The following NAA11 variants were observed in gnomAD, a reference collection of about 807,000 sequenced individuals.
NAA11 encodes the protein N-alpha-acetyltransferase 11, NatA catalytic subunit, also known as N-alpha-acetyltransferase 11.
Under a neutral mutation model 16.1 loss-of-function variants are expected in NAA11, and 15 were observed. The observed-to-expected ratio is 0.93, with a 90% confidence interval of 0.62 to 1.44. NAA11 has a LOEUF of 1.44. Among genes scored for constraint, NAA11 ranks in the 40% most tolerant of loss-of-function variants. NAA11 has a pLI of 0.00. For synonymous variants in NAA11, 122 were observed against 112.4 expected, an observed-to-expected ratio of 1.09 and a Z score of -0.54; for missense variants, 298 against 291.3, an observed-to-expected ratio of 1.02 and a Z score of -0.17.
chr4:79,247,604 A>G (rs1721868844), intron 2 of NAA11, among the ~76,000 whole-genome samples: 1 of 152,112 alleles, frequency 6.6e-6, no homozygotes, highest in Non-Finnish European at 1.5e-5. Flanking sequence ...AAGTGACCAG[A>G]ACATCAGTAA....
At chr4:79,178,448 A>G in the NAA11 span, among the ~76,000 whole-genome samples, 1 of 152,230 alleles carries the variant, frequency 6.6e-6, no homozygotes, top group Non-Finnish European at 1.5e-5. Context: ...GTCCTAGAGA[A>G]TAGTTCAGAT....
intron 2 of NAA11, among the ~76,000 whole-genome samples, chr4:79,274,204 T>A (rs1405332130): frequency 6.6e-6 from 1 of 152,108 alleles, no homozygotes; most frequent in Non-Finnish European, 1.5e-5. Context: ...CTATGAGTAA[T>A]GCCTCCTATC....
the NAA11 span, among the ~76,000 whole-genome samples, chr4:79,182,407 A>G: frequency 2.0e-5 from 3 of 152,308 alleles, no homozygotes; most frequent in East Asian, 3.9e-4. Context: ...AGCAATGACT[A>G]AGTTCGTTAC....
At chr4:79,158,698 G>GATATATATATAT in the NAA11 span, among the ~76,000 whole-genome samples, 1,094 of 112,012 alleles carry the variant, frequency 9.8e-3, 31 homozygotes, top group African/African-American at 0.026. Context: ...CACATTACCT[G>GATATATATATAT]ATATATATAT....
chr4:79,164,438 G>A, the NAA11 span, among the ~76,000 whole-genome samples: 6 of 152,030 alleles, frequency 3.9e-5, no homozygotes, highest in Non-Finnish European at 7.4e-5. Context: ...CATTGAGGAC[G>A]GTGTCTTTCT....
At chr4:79,166,755 G>T in the NAA11 span, among the ~76,000 whole-genome samples, 1 of 149,536 alleles carries the variant, frequency 6.7e-6, no homozygotes, top group African/African-American at 2.5e-5. Flanking sequence ...TGTAGTCCCA[G>T]CTACTTGGGA....
At chr4:79,309,104 T>C (rs1177267279) in intron 1 of NAA11, among the ~76,000 whole-genome samples, 2 of 143,958 alleles carry the variant, frequency 1.4e-5, no homozygotes, top group Non-Finnish European at 3.0e-5. Flanking sequence ...TTCATACCTA[T>C]AGTTAATTAC....
the NAA11 span, among the ~76,000 whole-genome samples, chr4:79,172,906 T>C: frequency 9.3e-3 from 1,423 of 152,248 alleles, 37 homozygotes; most frequent in Admixed American, 0.052. Flanking sequence ...CAGCTAAGAC[T>C]GCAGAGGCAC....
At chr4:79,276,290 G>T (rs1020743715) in intron 2 of NAA11, among the ~76,000 whole-genome samples, 7 of 152,128 alleles carry the variant, frequency 4.6e-5, no homozygotes, top group Non-Finnish European at 1.0e-4. Flanking sequence ...AATGGAGACT[G>T]ATAAGTCCTC....
At chr4:79,296,580 TCTTCA>T (rs1457169000) in intron 1 of NAA11, among the ~76,000 whole-genome samples, 2 of 152,218 alleles carry the variant, frequency 1.3e-5, no homozygotes, top group African/African-American at 4.8e-5. Flanking sequence ...CAGCATTCAA[TCTTCA>T]ATTGATACTC....
chr4:79,304,335 G>T (rs1723499743), intron 1 of NAA11, among the ~76,000 whole-genome samples: 1 of 152,148 alleles, frequency 6.6e-6, no homozygotes, highest in African/African-American at 2.4e-5. Flanking sequence ...ATGTAAAACA[G>T]CACAACATTG....
At chr4:79,181,519 G>A in the NAA11 span, among the ~76,000 whole-genome samples, 1 of 152,160 alleles carries the variant, frequency 6.6e-6, no homozygotes, top group Non-Finnish European at 1.5e-5. Flanking sequence ...ACACGCGGTG[G>A]CCATGATTGA....
chr4:79,258,331 G>A (rs1722165568), intron 2 of NAA11, among the ~76,000 whole-genome samples: 1 of 152,280 alleles, frequency 6.6e-6, no homozygotes, highest in Non-Finnish European at 1.5e-5. Flanking sequence ...AAGCATCGTT[G>A]CACTTTGCGG....
intron 2 of NAA11, among the ~76,000 whole-genome samples, chr4:79,268,528 C>A (rs1413712123): frequency 6.6e-6 from 1 of 152,036 alleles, no homozygotes; most frequent in Admixed American, 6.6e-5. Flanking sequence ...GTCTGTGTTT[C>A]ATTGCAACAC....
the NAA11 span, among the ~76,000 whole-genome samples, chr4:79,206,902 G>T: frequency 3.3e-5 from 5 of 152,038 alleles, no homozygotes; most frequent in Admixed American, 6.6e-5. Flanking sequence ...TTTCTTTACA[G>T]CATCAAAGAA....
At chr4:79,254,357 G>T (rs56205707) in intron 2 of NAA11, among the ~76,000 whole-genome samples, 16,754 of 152,106 alleles carry the variant, frequency 0.11, 1,144 homozygotes, top group African/African-American at 0.18. Flanking sequence ...AACATACTTT[G>T]TTGGAGTTAT....
At chr4:79,307,707 T>A (rs1276045678) in intron 1 of NAA11, among the ~76,000 whole-genome samples, 1 of 151,916 alleles carries the variant, frequency 6.6e-6, no homozygotes, top group African/African-American at 2.4e-5. Flanking sequence ...AAGAAGGGAG[T>A]ATATTGCTTG....
the NAA11 span, among the ~76,000 whole-genome samples, chr4:79,156,523 C>T: frequency 6.6e-6 from 1 of 152,146 alleles, no homozygotes; most frequent in African/African-American, 2.4e-5. Flanking sequence ...ATTCTCCTTG[C>T]TCAGGGAGGT....
At chr4:79,239,685 G>A (rs1245926222) in intron 2 of NAA11, among the ~76,000 whole-genome samples, 1 of 151,944 alleles carries the variant, frequency 6.6e-6, no homozygotes, top group Admixed American at 6.6e-5. Flanking sequence ...GGGTGACAGA[G>A]CAAGACTCTG....
Sources: allele counts gnomAD v4.1 joint callset (sites outside exome capture counted in the v4.1 genomes callset), GRCh38; gene constraint gnomAD v4.1.1; transcripts MANE v1.5; gene names NCBI Gene and HGNC (gene_info 2026-07-23, HGNC 2026-07-21).